The following EDEM1 variants were observed in gnomAD, a reference collection of about 807,000 sequenced individuals.
The protein encoded by EDEM1 is ER degradation enhancing alpha-mannosidase like protein 1, also known as ER degradation-enhancing alpha-mannosidase-like protein 1.
In EDEM1, 67 loss-of-function variants were observed where a neutral mutation model predicts 74.4. That is an observed-to-expected ratio of 0.90 (90% CI 0.74 to 1.10). The LOEUF is 1.10. Among genes scored for constraint, EDEM1 ranks in the 50% least tolerant of loss-of-function variants. The probability of loss-of-function intolerance (pLI) is 0.00; values close to 1 mark genes in which losing one functional copy is unlikely to be tolerated. For synonymous variants in EDEM1, 382 were observed against 335.9 expected, an observed-to-expected ratio of 1.14 and a Z score of -1.50; for missense variants, 926 against 851.6, an observed-to-expected ratio of 1.09 and a Z score of -1.09.
intron 2 of EDEM1, among the ~76,000 whole-genome samples, chr3:5,197,227 A>G (rs990056514): frequency 5.3e-5 from 8 of 152,116 alleles, no homozygotes; most frequent in African/African-American, 1.9e-4. Flanking sequence ...GCATTTCCCA[A>G]CACAGATTCC....
At position 5,188,116 on chromosome 3, in the gene EDEM1, T is replaced by TG; in HGVS notation, c.314dup (p.Gly106ArgfsTer72). 6.6e-7 allele frequency: 1 copy of TG among 1,522,030 alleles called. No homozygotes were observed. Among genetic ancestry groups the TG allele is most frequent in the African/African-American group, 1.4e-5 (1 of 69,790 alleles). The allele number at this position is 1,522,030 out of a possible 1,614,324, so 94.3% of individuals were successfully genotyped here. ...GGCCCAGCCAACTGGGGCTACGTGC[T>TG]GGGCGGCCGGGGCCGCGGCCCGGAC... On this transcript the variant is annotated frameshift_variant, in exon 1 of 12. Transcript: ENST00000256497. LOFTEE classifies it high-confidence loss of function.
rs756385300 is a variant in EDEM1 at position 5,215,860 on chromosome 3, C to G, written c.1916C>G (p.Ser639Cys). The change falls in exon 12 of 12, where the codon TCC becomes TGC. Residue 639 changes from serine (S) to cysteine (C), a missense_variant. Coordinates refer to ENST00000256497, the MANE Select transcript of EDEM1 (RefSeq NM_014674.3). ...CNRVPDERRY[S>C]LPLKSIYMRQ... ...CGTGTACCTGATGAGAGGAGGTACT[C>G]CCTGCCCTTAAAGAGCATCTACATG... 6.2e-7 allele frequency: 1 copy of G among 1,613,010 alleles called. No homozygotes were observed. The highest frequency in any genetic ancestry group is 8.5e-7 in the Non-Finnish European group (1 of 1,179,620).
At chr3:5,195,505 T>C in intron 2 of EDEM1, among the ~76,000 whole-genome samples, 1 of 152,210 alleles carries the variant, frequency 6.6e-6, no homozygotes, top group Non-Finnish European at 1.5e-5. Context: ...AGAAGGAATG[T>C]ACGATTGATT....
At chr3:5,198,554 C>T (rs1458315072) in intron 2 of EDEM1, among the ~76,000 whole-genome samples, 1 of 151,678 alleles carries the variant, frequency 6.6e-6, no homozygotes, top group Non-Finnish European at 1.5e-5. Context: ...TGAAGATAAA[C>T]TGTCAATTTA....
chr3:5,206,210 CTTT>C (rs762318338), intron 6 of EDEM1, among the ~76,000 whole-genome samples: 10 of 140,022 alleles, frequency 7.1e-5, no homozygotes, highest in Admixed American at 1.4e-4. Context: ...CCAGATCTTT[CTTT>C]TTTTTTTTTT....
At chr3:5,203,564 G>A (rs112876470) in intron 5 of EDEM1, among the ~76,000 whole-genome samples, 5,570 of 152,198 alleles carry the variant, frequency 0.037, 336 homozygotes, top group African/African-American at 0.13. Context: ...TTAAACCTGT[G>A]TGAGGTGGGG....
chr3:5,190,040 T>C (rs1669999678), intron 1 of EDEM1, among the ~76,000 whole-genome samples: 1 of 152,050 alleles, frequency 6.6e-6, no homozygotes, highest in South Asian at 2.1e-4. Context: ...GTCTTTTTTT[T>C]GTTGTCAGCC....
chr3:5,196,989 C>T (rs1236853726), intron 2 of EDEM1, among the ~76,000 whole-genome samples: 6 of 146,066 alleles, frequency 4.1e-5, no homozygotes, highest in African/African-American at 7.6e-5. Flanking sequence ...AGTGCTGTGG[C>T]GTGATCTTGG....
intron 6 of EDEM1, among the ~76,000 whole-genome samples, chr3:5,205,820 C>T (rs1023657014): frequency 5.3e-5 from 8 of 151,926 alleles, no homozygotes; most frequent in African/African-American, 1.9e-4. Context: ...TTCTGCCAGA[C>T]CATTAGTCAC....
rs1250357600 is a variant in EDEM1, at chr3:5,217,330, C to T, written c.*1412C>T. The stretch of plus-strand genomic sequence containing the variant: ...TCTTAGTCTGGCTTCCATGAAGCGT[C>T]ATGGGTGGAAACGCATTCTAGTAAA... On this transcript the variant is annotated 3_prime_UTR_variant, in exon 12 of 12. Coordinates refer to ENST00000256497, the MANE Select transcript of EDEM1 (RefSeq NM_014674.3). 1 of 152,672 alleles carries T rather than the reference C, an allele frequency of 6.5e-6. No individual in the cohort carries two copies. Among genetic ancestry groups the T allele is most frequent in the South Asian group, 2.1e-4 (1 of 4,834 alleles). The allele number at this position is 152,672 out of a possible 1,614,324, so 9.5% of individuals were successfully genotyped here. A position where few individuals can be genotyped will look rare whatever the true frequency, so the allele number is the denominator to read the frequency against.
intron 8 of EDEM1, 98 bp downstream of exon 8, chr3:5,208,361 T>C: frequency 7.0e-7 from 1 of 1,436,462 alleles, no homozygotes; most frequent in South Asian, 1.3e-5. Flanking sequence ...TAGGGTTATG[T>C]TGTTTCATAG....
rs771446390 is a variant in EDEM1, at chr3:5,207,194, A to T, written c.1259A>T (p.Tyr420Phe). Residue 420 changes from tyrosine to phenylalanine, a missense_variant, in exon 7 of 12, where the codon TAT (tyrosine) becomes TTT (phenylalanine). Transcript: ENST00000256497. ...GAAGGAGAAGGAGACCCTCCACTCT[A>T]TGTCAACGTGAACATGTTCAGTGGG... is the stretch of plus-strand genomic sequence containing the variant. ...CNEGEGDPPL[Y>F]VNVNMFSGQL... The T allele has an allele frequency of 1.2e-6, 2 of 1,613,958 alleles. No individual in the cohort carries two copies. The highest frequency in any genetic ancestry group is 1.7e-6 in the Non-Finnish European group (2 of 1,179,848).
rs146190450 is a variant in EDEM1, at chr3:5,204,681, C to T, written c.1043-386C>T. Among the ~76,000 whole-genome samples, 208 of 152,346 alleles carry T rather than the reference C, an allele frequency of 1.4e-3. 1 individual carries two copies. Among genetic ancestry groups the T allele is most frequent in the African/African-American group, 4.9e-3 (203 of 41,564 alleles). On this transcript the variant is annotated intron_variant, in intron 5 of 11. Transcript: ENST00000256497. The stretch of plus-strand genomic sequence containing the variant: ...TGCTGGGATTGTAAGTGTGAGCCAT[C>T]ATGCCTGGCCACTTTTTCTTTTTAA...
In EDEM1 at chr3:5,203,128, A is replaced by G. The variant is rs1455506764; in HGVS notation, c.1021A>G (p.Ser341Gly). 1.3e-6 allele frequency: 2 copies of G among 1,594,960 alleles called. No individual in the cohort carries two copies. Among genetic ancestry groups the G allele is most frequent in the East Asian group, 2.2e-5 (1 of 44,640 alleles). Residue 341 changes from serine to glycine, a missense_variant, in exon 5 of 12, where the codon AGC becomes GGC. Ser to Gly is a moderately conservative substitution (Grantham distance 56). Coordinates refer to ENST00000256497, the MANE Select transcript of EDEM1 (RefSeq NM_014674.3). ...AGTGAAAGCCCTTTGGAACCTCCGG[A>G]GCAATGATACAGGATTACTAGGTGT... is the stretch of plus-strand genomic sequence containing the variant. The part of the protein sequence containing the change: ...RAVKALWNLR[S>G]NDTGLLGNVV...
chr3:5,210,982 G>A (rs1223440818), intron 9 of EDEM1, 138 bp from the exon 10 acceptor site: 1 of 763,218 alleles, frequency 1.3e-6, no homozygotes, highest in Non-Finnish European at 2.1e-6. Context: ...AAAAAGGAGA[G>A]CCCCTCAATG....
chr3:5,194,459 C>T (rs1006491504), intron 1 of EDEM1, among the ~76,000 whole-genome samples: 2 of 152,170 alleles, frequency 1.3e-5, no homozygotes, highest in African/African-American at 4.8e-5. Flanking sequence ...AGACATACCA[C>T]AGTGCCTGAG....
chr3:5,205,217 G>GTAT lies in EDEM1; in HGVS notation c.1195_1197dup (p.Ile399dup), dbSNP rs1352698250. 1 of 1,614,104 alleles carries GTAT rather than the reference G, an allele frequency of 6.2e-7. No homozygotes were observed. The highest frequency in any genetic ancestry group is 1.1e-5 in the South Asian group (1 of 91,064). ...GAAATGTTTAATGCTGCATATCAGA[G>GTAT]TATTCAGAACTACTTAAGAAGAGGG... is the stretch of plus-strand genomic sequence containing the variant. On this transcript the variant is annotated inframe_insertion, in exon 6 of 12. Transcript: ENST00000256497.
Position 5,201,857 on chromosome 3 carries a change from C to A in EDEM1, c.791C>A (p.Ala264Asp). Residue 264 changes from alanine to aspartate, a missense_variant, in exon 4 of 12, where the codon GCC becomes GAC. Ala to Asp is a moderately radical substitution (Grantham distance 126). Coordinates refer to ENST00000256497, the MANE Select transcript of EDEM1 (RefSeq NM_014674.3). ...KDYDNELLYM[A>D]HDLAVRLLPA... The stretch of plus-strand genomic sequence containing the variant: ...TATGATAATGAGTTGTTATACATGG[C>A]CCATGACCTGGCGGTGCGGCTCCTC... The A allele has an allele frequency of 6.2e-7, 1 of 1,614,162 alleles. No homozygotes were observed.
intron 7 of EDEM1, 77 bp downstream of exon 7, chr3:5,207,350 A>G: frequency 3.2e-6 from 5 of 1,574,664 alleles, no homozygotes; most frequent in Non-Finnish European, 4.3e-6. Context: ...CTTTTTTAAT[A>G]CCCTGAGCAT....
Sources: gnomAD v4.1 joint callset for allele counts (sites outside exome capture counted in the v4.1 genomes callset) on GRCh38, gnomAD v4.1.1 for gene constraint, MANE v1.5 for transcripts, NCBI Gene and HGNC (gene_info 2026-07-23, HGNC 2026-07-21) for gene names.